The following CNTN6 variants were observed in gnomAD, a reference collection of about 807,000 sequenced individuals.
CNTN6 encodes the protein contactin 6, also known as contactin-6.
Under a neutral mutation model 122.8 loss-of-function variants are expected in CNTN6, and 137 were observed. The ratio of observed to expected loss-of-function variants is 1.12; its 90% CI spans 0.97 to 1.29. The LOEUF (loss-of-function observed/expected upper bound fraction) is 1.29. Among genes scored for constraint, CNTN6 ranks in the 50% most tolerant of loss-of-function variants. CNTN6 has a pLI of 0.00. For synonymous variants in CNTN6, 570 were observed against 426.0 expected, an observed-to-expected ratio of 1.34 and a Z score of -4.16; for missense variants, 1,634 against 1,223.4, an observed-to-expected ratio of 1.34 and a Z score of -5.01.
intron 20 of CNTN6, 46 bp from the exon 21 acceptor site, chr3:1,401,387 A>C: frequency 6.7e-7 from 1 of 1,486,446 alleles, no homozygotes; most frequent in Non-Finnish European, 9.4e-7. Flanking sequence ...TACTTTGACC[A>C]TGAGCTAATT....
chr3:1,104,813 A>C (rs924463096), intron 1 of CNTN6, among the ~76,000 whole-genome samples: 1 of 152,104 alleles, frequency 6.6e-6, no homozygotes, highest in Non-Finnish European at 1.5e-5. Context: ...TCTGCTTTAT[A>C]GCTTGTTTTT....
chr3:1,243,022 G>A lies in CNTN6; in HGVS notation c.358+15029G>A, dbSNP rs542202585. 6.3e-4 allele frequency among the ~76,000 whole-genome samples: 96 copies of A among 152,146 alleles called. No individual in the cohort carries two copies. The East Asian group carries it at 6.6e-3, about 10-fold the overall frequency. On this transcript the variant is annotated intron_variant, in intron 4 of 22. Coordinates refer to ENST00000446702, the MANE Select transcript of CNTN6 (RefSeq NM_001289080.2). ...CTGTGAGAGTTACCCAAAGCTCGGCGTCCGTGATGGTCTACGGGGCTTCCA... is the reference window on the plus strand; with the variant it reads ...CTGTGAGAGTTACCCAAAGCTCGGCATCCGTGATGGTCTACGGGGCTTCCA...
chr3:1,255,210 A>G (rs1282202627), intron 4 of CNTN6, among the ~76,000 whole-genome samples: 1 of 152,116 alleles, frequency 6.6e-6, no homozygotes, highest in African/African-American at 2.4e-5. Flanking sequence ...GTCAGACCAG[A>G]TTGAGGAATG....
At chr3:1,287,664 A>G (rs2125831289) in intron 5 of CNTN6, among the ~76,000 whole-genome samples, 1 of 150,816 alleles carries the variant, frequency 6.6e-6, no homozygotes, top group Admixed American at 6.5e-5. Flanking sequence ...GCCAAAACCC[A>G]CCAAAACCAA....
At chr3:1,385,398 T>C (rs1328039673) in intron 19 of CNTN6, among the ~76,000 whole-genome samples, 2 of 152,208 alleles carry the variant, frequency 1.3e-5, no homozygotes, top group African/African-American at 4.8e-5. Context: ...CTAATTTCCA[T>C]TGTGAATTTG....
chr3:1,365,105 C>T (rs1326055151), intron 12 of CNTN6, among the ~76,000 whole-genome samples: 1 of 151,862 alleles, frequency 6.6e-6, no homozygotes, highest in African/African-American at 2.4e-5. Flanking sequence ...TTGAAAATTG[C>T]AAGCACACAC....
At chr3:1,318,206 C>T (rs1340237161) in intron 7 of CNTN6, among the ~76,000 whole-genome samples, 1 of 151,738 alleles carries the variant, frequency 6.6e-6, no homozygotes. Flanking sequence ...TCTCATGTCT[C>T]TTGCGTTTCT....
At chr3:1,215,586 C>G (rs2094119391) in intron 2 of CNTN6, among the ~76,000 whole-genome samples, 3 of 151,982 alleles carry the variant, frequency 2.0e-5, no homozygotes, top group Non-Finnish European at 2.9e-5. Context: ...AACTCATGCT[C>G]TTATTCTATA....
intron 4 of CNTN6, among the ~76,000 whole-genome samples, chr3:1,264,478 T>A (rs1348214964): frequency 6.6e-6 from 1 of 152,314 alleles, no homozygotes; most frequent in East Asian, 1.9e-4. Flanking sequence ...GGTTGAGTGG[T>A]TGATGTCATT....
In CNTN6 at chr3:1,291,991, C is replaced by T. The variant is rs532251982; in HGVS notation, c.455-3610C>T. ...AATGTTGAGGCTGAAGGAAACCATT[C>T]GTAGAAGCTTAGGTTTAACCCCCAT... On this transcript the variant is annotated intron_variant, in intron 5 of 22. Transcript: ENST00000446702. Among the ~76,000 whole-genome samples the T allele has an allele frequency of 7.9e-4, 120 of 152,192 alleles. 2 individuals are homozygous for T. The highest frequency in any genetic ancestry group is 1.7e-3 in the South Asian group (8 of 4,810).
chr3:1,119,353 G>GTGTGTGTGTGTGTGT (rs377642286), intron 1 of CNTN6, among the ~76,000 whole-genome samples: 36 of 150,248 alleles, frequency 2.4e-4, no homozygotes, highest in South Asian at 8.4e-4. Flanking sequence ...GTGTGTGTGT[G>GTGTGTGTGTGTGTGT]GAGAATGTCT....
At chr3:1,364,369 G>C (rs1488143577) in intron 12 of CNTN6, among the ~76,000 whole-genome samples, 1 of 151,850 alleles carries the variant, frequency 6.6e-6, no homozygotes, top group Non-Finnish European at 1.5e-5. Context: ...AGAGCCCCAT[G>C]TTTGTACAGG....
chr3:1,204,260 A>G (rs918002480), intron 2 of CNTN6, among the ~76,000 whole-genome samples: 1 of 152,222 alleles, frequency 6.6e-6, no homozygotes, highest in South Asian at 2.1e-4. Flanking sequence ...TAGGTTTTAC[A>G]GCATTTCTAG....
At chr3:1,371,799 C>G (rs1709052740) in intron 12 of CNTN6, among the ~76,000 whole-genome samples, 1 of 152,056 alleles carries the variant, frequency 6.6e-6, no homozygotes, top group Admixed American at 6.6e-5. Flanking sequence ...AAAATTAGAG[C>G]TACGTCAAAG....
intron 7 of CNTN6, among the ~76,000 whole-genome samples, chr3:1,317,442 T>C (rs950210102): frequency 6.6e-6 from 1 of 151,762 alleles, no homozygotes; most frequent in Non-Finnish European, 1.5e-5. Flanking sequence ...AAAAAAATAA[T>C]ATATTGGCTA....
intron 2 of CNTN6, among the ~76,000 whole-genome samples, chr3:1,205,595 T>C (rs1439795494): frequency 2.0e-5 from 3 of 152,188 alleles, no homozygotes; most frequent in African/African-American, 7.2e-5. Flanking sequence ...TATCTACATC[T>C]ACAAGTCCCT....
rs865854422 is a variant in CNTN6, at chr3:1,286,802, C to T, written c.454+8294C>T. On this transcript the variant is annotated intron_variant, in intron 5 of 22. Coordinates refer to ENST00000446702, the MANE Select transcript of CNTN6 (RefSeq NM_001289080.2). ...GTATCTCACATGGAGACCCATCTCA[C>T]ATGCAAAGACACATAGGAGACCCAC... Among the ~76,000 whole-genome samples the T allele has an allele frequency of 2.6e-5, 4 of 152,238 alleles. No individual in the cohort carries two copies. In the South Asian group the frequency reaches 8.3e-4, roughly 32 times the overall value.
chr3:1,154,030 C>T (rs2092905943), intron 2 of CNTN6, among the ~76,000 whole-genome samples: 3 of 152,158 alleles, frequency 2.0e-5, no homozygotes, highest in African/African-American at 4.8e-5. Flanking sequence ...GTGACATCTT[C>T]GCAATTTCTA....
In CNTN6 at chr3:1,401,389, G is replaced by C. The variant is rs569607734; in HGVS notation, c.2705-44G>C. 3.4e-5 allele frequency: 50 copies of C among 1,491,710 alleles called. No individual in the cohort carries two copies. The Admixed American group carries it at 3.4e-4, about 10-fold the overall frequency. 92.4% of individuals were successfully genotyped at this position (1,491,710 alleles called of 1,614,324 possible). A position where few individuals can be genotyped will look rare whatever the true frequency, so the allele number is the denominator to read the frequency against. On this transcript the variant is annotated intron_variant, in intron 20 of 22. Transcript: ENST00000446702. The stretch of plus-strand genomic sequence containing the variant: ...TGTTGATGCATCATACTTTGACCAT[G>C]AGCTAATTAACATTCATTTGGATCT...
Sources: allele counts gnomAD v4.1 joint callset (sites outside exome capture counted in the v4.1 genomes callset), GRCh38; gene constraint gnomAD v4.1.1; transcripts MANE v1.5; gene names NCBI Gene and HGNC (gene_info 2026-07-23, HGNC 2026-07-21).